Variants in RPS6KA5 observed in about 807,000 individuals in gnomAD.
RPS6KA5 encodes ribosomal protein S6 kinase alpha-5.
RPS6KA5 carries 27 observed loss-of-function variants against 85.5 expected under a neutral mutation model. The ratio of observed to expected loss-of-function variants is 0.32; its 90% CI spans 0.23 to 0.44. RPS6KA5 has a LOEUF of 0.44. Among genes scored for constraint, RPS6KA5 ranks in the 20% least tolerant of loss-of-function variants. The pLI is 1.00. For synonymous variants in RPS6KA5, 334 were observed against 348.2 expected (o/e 0.96, Z 0.46); for missense variants, 811 against 980.9 (o/e 0.83, Z 2.31).
intron 3 of RPS6KA5, among the ~76,000 whole-genome samples, chr14:90,960,619 G>T (rs1375424390): frequency 6.6e-6 from 1 of 152,164 alleles, no homozygotes; most frequent in Non-Finnish European, 1.5e-5. Context: ...AGCTCAGGTA[G>T]AATAAAGCAC....
chr14:90,906,102 GAA>G (rs2035485711), intron 8 of RPS6KA5, 45 bp downstream of exon 8: 1 of 1,510,142 alleles, frequency 6.6e-7, no homozygotes, highest in Non-Finnish European at 9.0e-7. Flanking sequence ...CAAGGACCCT[GAA>G]AACGGCAAGG....
At position 90,863,326 on chromosome 14, in the gene RPS6KA5, A is replaced by AG. The variant is rs2032659097; in HGVS notation, c.*8747_*8748insC. 1 of 141,580 alleles carries AG rather than the reference A, an allele frequency of 7.1e-6. No homozygotes were observed. Among genetic ancestry groups the AG allele is most frequent in the Non-Finnish European group, 1.5e-5 (1 of 66,670 alleles). 8.8% of individuals were successfully genotyped at this position (141,580 alleles called of 1,614,324 possible). A position where few individuals can be genotyped will look rare whatever the true frequency, so the allele number is the denominator to read the frequency against. On this transcript the variant is annotated 3_prime_UTR_variant, in exon 17 of 17. Transcript: ENST00000614987. ...TCAAAAAAAAAAAAAAAAAAAAAAA[A>AG]AAAAGAAAAGAAAAGAAAAAAATAT...
intron 5 of RPS6KA5, among the ~76,000 whole-genome samples, chr14:90,930,072 A>G (rs2036890353): frequency 6.6e-6 from 1 of 152,132 alleles, no homozygotes; most frequent in Non-Finnish European, 1.5e-5. Flanking sequence ...AATTCTTGCT[A>G]TATTGCCCAG....
intron 2 of RPS6KA5, among the ~76,000 whole-genome samples, chr14:90,982,697 G>A (rs2039847486): frequency 6.6e-6 from 1 of 152,296 alleles, no homozygotes; most frequent in Admixed American, 6.5e-5. Context: ...TAAGCAAGGG[G>A]GCCGGGCGCA....
At chr14:90,941,234 T>C (rs1169581246) in intron 5 of RPS6KA5, among the ~76,000 whole-genome samples, 1 of 152,206 alleles carries the variant, frequency 6.6e-6, no homozygotes, top group African/African-American at 2.4e-5. Flanking sequence ...TTTTTAAATG[T>C]GGCATCATTA....
chr14:90,874,705 G>C (rs1457836653), intron 15 of RPS6KA5, among the ~76,000 whole-genome samples: 1 of 152,156 alleles, frequency 6.6e-6, no homozygotes, highest in African/African-American at 2.4e-5. Flanking sequence ...TGCAGGATTT[G>C]GGGAGAGAAA....
At chr14:90,873,129 A>C (rs1403435288) in intron 16 of RPS6KA5, among the ~76,000 whole-genome samples, 2 of 152,184 alleles carry the variant, frequency 1.3e-5, no homozygotes, top group African/African-American at 4.8e-5. Flanking sequence ...GAATTATCTT[A>C]ATATATTTGC....
At chr14:91,038,800 A>G (rs2088591791) in intron 1 of RPS6KA5, among the ~76,000 whole-genome samples, 1 of 152,242 alleles carries the variant, frequency 6.6e-6, no homozygotes, top group Admixed American at 6.5e-5. Context: ...AGAGCCTAGA[A>G]GGGAGTTCTG....
intron 8 of RPS6KA5, among the ~76,000 whole-genome samples, chr14:90,905,211 A>G (rs1447070913): frequency 6.6e-6 from 1 of 152,006 alleles, no homozygotes; most frequent in Non-Finnish European, 1.5e-5. Context: ...TCTAATCAAT[A>G]TTTATTTTTA....
chr14:91,055,645 T>C (rs2043282014), intron 1 of RPS6KA5, among the ~76,000 whole-genome samples: 1 of 152,012 alleles, frequency 6.6e-6, no homozygotes, highest in Admixed American at 6.6e-5. Context: ...GGTGTGGTGG[T>C]GCATGCCCGT....
chr14:91,049,053 A>G (rs1263001428), intron 1 of RPS6KA5, among the ~76,000 whole-genome samples: 2 of 152,204 alleles, frequency 1.3e-5, no homozygotes, highest in South Asian at 2.1e-4. Flanking sequence ...TCCCCGCTAC[A>G]GACTACAAAT....
intron 5 of RPS6KA5, among the ~76,000 whole-genome samples, chr14:90,940,770 A>C (rs1405844124): frequency 6.6e-6 from 1 of 152,220 alleles, no homozygotes; most frequent in Admixed American, 6.5e-5. Flanking sequence ...GCAGACAAGC[A>C]TTGCCACCTG....
intron 1 of RPS6KA5, among the ~76,000 whole-genome samples, chr14:91,017,235 A>G (rs1219045986): frequency 6.6e-6 from 1 of 152,240 alleles, no homozygotes; most frequent in Non-Finnish European, 1.5e-5. Flanking sequence ...TGCCAGGTTG[A>G]TAACACTGAA....
At chr14:91,045,605 A>T (rs1229110066) in intron 1 of RPS6KA5, among the ~76,000 whole-genome samples, 1 of 152,266 alleles carries the variant, frequency 6.6e-6, no homozygotes, top group East Asian at 1.9e-4. Flanking sequence ...AAACACATTC[A>T]CAATTGTTAA....
rs187992901 is a variant in RPS6KA5 at position 90,867,428 on chromosome 14, C to T, written c.*4646G>A. On this transcript the variant is annotated 3_prime_UTR_variant, in exon 17 of 17. Coordinates refer to ENST00000614987, the MANE Select transcript of RPS6KA5 (RefSeq NM_004755.4). ...AAACAATAATGGAAACAGCATAATA[C>T]TACATACTATCCCAGTTTCCTGTGC... is the stretch of plus-strand genomic sequence containing the variant. 4 of 152,080 alleles carry T rather than the reference C, an allele frequency of 2.6e-5. No homozygotes were observed. In the East Asian group the frequency reaches 7.7e-4, roughly 29 times the overall value. 9.4% of individuals were successfully genotyped at this position (152,080 alleles called of 1,614,324 possible).
At chr14:90,984,971 G>A (rs1215007923) in intron 2 of RPS6KA5, among the ~76,000 whole-genome samples, 1 of 145,560 alleles carries the variant, frequency 6.9e-6, no homozygotes, top group Non-Finnish European at 1.5e-5. Context: ...ACGGAGTTTT[G>A]CTCCTGTTGC....
At chr14:90,978,610 C>CA in intron 2 of RPS6KA5, 86 bp from the exon 3 acceptor site, 1 of 965,954 alleles carries the variant, frequency 1.0e-6, no homozygotes, top group Non-Finnish European at 1.5e-6. Context: ...ATTTAATGCA[C>CA]AAAAAATACA....
At chr14:91,005,838 C>T (rs2040995052) in intron 1 of RPS6KA5, among the ~76,000 whole-genome samples, 1 of 152,122 alleles carries the variant, frequency 6.6e-6, no homozygotes, top group Admixed American at 6.5e-5. Flanking sequence ...TTTCACCCTA[C>T]AGGTGAAATA....
intron 6 of RPS6KA5, 88 bp downstream of exon 6, chr14:90,923,025 T>G (rs1261410454): frequency 1.1e-6 from 1 of 916,098 alleles, no homozygotes; most frequent in African/African-American, 1.7e-5. Flanking sequence ...AAGACGGCTC[T>G]GTTGAAGAGA....
Sources: gnomAD v4.1 joint callset for allele counts (sites outside exome capture counted in the v4.1 genomes callset) on GRCh38, gnomAD v4.1.1 for gene constraint, MANE v1.5 for transcripts, NCBI Gene and HGNC (gene_info 2026-07-23, HGNC 2026-07-21) for gene names.